Variants in CEP350 observed in about 807,000 individuals in gnomAD.
CEP350 encodes centrosomal protein 350.
In CEP350, 126 loss-of-function variants were observed where a neutral mutation model predicts 331.8. The ratio of observed to expected loss-of-function variants is 0.38; its 90% confidence interval spans 0.33 to 0.44. The LOEUF is 0.44. Among genes scored for constraint, CEP350 ranks in the 20% least tolerant of loss-of-function variants. The pLI, the probability that CEP350 is intolerant of heterozygous loss-of-function variation, is 1.00. For missense variants in CEP350, 3,406 were observed against 3,634.6 expected (o/e 0.94, Z 1.62); for synonymous variants, 1,200 against 1,259.5 (o/e 0.95, Z 1.00).
chr1:180,063,001 A>T (rs189798800), intron 26 of CEP350, among the ~76,000 whole-genome samples: 6 of 152,230 alleles, frequency 3.9e-5, no homozygotes, highest in Admixed American at 3.3e-4. Flanking sequence ...TTAATTTAGA[A>T]TATTTTTCAC....
rs1490672184 is a variant in CEP350, at chr1:180,034,003, A to G, written c.3867A>G (p.Gly1289=). 1.2e-6 allele frequency: 2 copies of G among 1,613,764 alleles called. No individual in the cohort carries two copies. Among genetic ancestry groups the G allele is most frequent in the African/African-American group, 2.7e-5 (2 of 74,906 alleles). ...CAGTAATGCCTCCAACTATAACAGG[A>G]TTTAAGCCTAATGCACCTCTCACTG... ...KSSVMPPTIT[G]FKPNAPLTDL... Residue 1289 remains glycine (G), a synonymous_variant, in exon 16 of 38, where the codon GGA becomes GGG. Coordinates refer to ENST00000367607, the MANE Select transcript of CEP350 (RefSeq NM_014810.5).
intron 27 of CEP350, among the ~76,000 whole-genome samples, chr1:180,066,603 TAA>T (rs1210869656): frequency 2.0e-5 from 3 of 152,142 alleles, no homozygotes; most frequent in African/African-American, 4.8e-5. Context: ...ATTATGAAAA[TAA>T]GTCTTGAAAA....
chr1:179,976,469 C>CT (rs1333532822), intron 1 of CEP350, among the ~76,000 whole-genome samples: 5 of 152,102 alleles, frequency 3.3e-5, no homozygotes, highest in Non-Finnish European at 5.9e-5. Flanking sequence ...TTTCTTAACA[C>CT]TTTTTTTGTA....
chr1:180,083,638 T>C (rs1322154567), intron 30 of CEP350, among the ~76,000 whole-genome samples: 1 of 152,230 alleles, frequency 6.6e-6, no homozygotes, highest in East Asian at 1.9e-4. Context: ...GACAGTTAAA[T>C]ATGATTATCT....
At chr1:180,032,024 C>CTT (rs139888709) in intron 15 of CEP350, among the ~76,000 whole-genome samples, 12,797 of 152,200 alleles carry the variant, frequency 0.084, 700 homozygotes, top group Non-Finnish European at 0.12. Context: ...TTCTGCTGAA[C>CTT]TTACTAGACC....
In CEP350 at chr1:180,006,655, C is replaced by T. The variant is rs189946048; in HGVS notation, c.1246+88C>T. The T allele has an allele frequency of 4.2e-6, 3 of 722,300 alleles. No individual in the cohort carries two copies. The African/African-American group carries it at 5.3e-5, about 13-fold the overall frequency. The allele number at this position is 722,300 out of a possible 1,614,324, so 44.7% of individuals were successfully genotyped here. On this transcript the variant is annotated intron_variant, in intron 8 of 37. Coordinates refer to ENST00000367607, the MANE Select transcript of CEP350 (RefSeq NM_014810.5). Reference sequence around the variant, plus strand: ...TAAGTTTTGGGATACATGTGCAGAACGTGCAGGTTTGATACACAGGGTATA... The same window carrying T: ...TAAGTTTTGGGATACATGTGCAGAATGTGCAGGTTTGATACACAGGGTATA...
At chr1:180,054,234 A>G (rs1350769642) in intron 24 of CEP350, among the ~76,000 whole-genome samples, 181 bp from the exon 25 acceptor site, 2 of 152,212 alleles carry the variant, frequency 1.3e-5, no homozygotes, top group Non-Finnish European at 2.9e-5. Context: ...TAGGGCTTGC[A>G]TATACCTCAG....
In CEP350 at chr1:180,014,283, G is replaced by A. The variant is rs1008295963; in HGVS notation, c.1830G>A (p.Lys610=). The A allele has an allele frequency of 6.2e-7, 1 of 1,600,500 alleles. No individual in the cohort carries two copies. Among genetic ancestry groups the A allele is most frequent in the Non-Finnish European group, 8.5e-7 (1 of 1,173,274 alleles). The change falls in exon 10 of 38, where the codon AAG becomes AAA. Residue 610 remains lysine (K), a synonymous_variant. Coordinates refer to ENST00000367607, the MANE Select transcript of CEP350 (RefSeq NM_014810.5). ...GGCAGCAGGAGGAAAGGAAGAGAAAGCAAAATGAAGAGAAGAAGGCTCAAA... is the reference window on the plus strand; with the variant it reads ...GGCAGCAGGAGGAAAGGAAGAGAAAACAAAATGAAGAGAAGAAGGCTCAAA... ...IVRQQEERKR[K]QNEEKKAQKE...
chr1:179,968,020 G>A (rs1571785868), intron 1 of CEP350, among the ~76,000 whole-genome samples: 1 of 152,194 alleles, frequency 6.6e-6, no homozygotes. Flanking sequence ...TATATACTGT[G>A]CGTGAACTAG....
At chr1:180,024,764 A>G (rs909096210) in intron 14 of CEP350, among the ~76,000 whole-genome samples, 182 bp downstream of exon 14, 42 of 152,158 alleles carry the variant, frequency 2.8e-4, no homozygotes, top group Non-Finnish European at 5.0e-4. Context: ...TCTTTTCCTT[A>G]ATACAAAAGG....
At chr1:180,074,482 A>G (rs1173748518) in intron 27 of CEP350, among the ~76,000 whole-genome samples, 1 of 152,244 alleles carries the variant, frequency 6.6e-6, no homozygotes, top group Non-Finnish European at 1.5e-5. Flanking sequence ...TAGGTAATGA[A>G]GAAACAAAAC....
At chr1:180,043,289 A>G (rs939686671) in intron 20 of CEP350, 97 bp downstream of exon 20, 1 of 1,394,822 alleles carries the variant, frequency 7.2e-7, no homozygotes, top group Non-Finnish European at 9.5e-7. Flanking sequence ...TATAGGCATT[A>G]TTCTTGGTTG....
rs5779042 is a variant in CEP350 at position 180,018,857 on chromosome 1, C to CTT, written c.2175-1076_2175-1075dup. On this transcript the variant is annotated intron_variant, in intron 11 of 37. Transcript: ENST00000367607. ...CCTCATGTTCGTCTTCTCTTTCTTT[C>CTT]TTTTTTTTTTTTTTTTTCTGAGACA... is the stretch of plus-strand genomic sequence containing the variant. 2.8e-5 allele frequency among the ~76,000 whole-genome samples: 4 copies of CTT among 142,098 alleles called. 1 individual carries two copies. The highest frequency in any genetic ancestry group is 1.4e-4 in the Admixed American group (2 of 14,368). 93.2% of individuals were successfully genotyped at this position (142,098 alleles called of 152,430 possible). A position where few individuals can be genotyped will look rare whatever the true frequency, so the allele number is the denominator to read the frequency against.
intron 37 of CEP350, among the ~76,000 whole-genome samples, chr1:180,106,060 C>T (rs922155158): frequency 1.3e-5 from 2 of 152,146 alleles, no homozygotes; most frequent in African/African-American, 4.8e-5. Flanking sequence ...AGAATTTGAG[C>T]TATTTTTAGC....
intron 37 of CEP350, among the ~76,000 whole-genome samples, chr1:180,106,259 G>A (rs992862153): frequency 6.1e-4 from 93 of 152,184 alleles, no homozygotes; most frequent in African/African-American, 2.2e-3. Context: ...GGGAACTGAT[G>A]AGAAGGACAC....
intron 16 of CEP350, among the ~76,000 whole-genome samples, chr1:180,035,479 A>G (rs536842992): frequency 4.6e-5 from 7 of 152,322 alleles, no homozygotes; most frequent in Admixed American, 4.6e-4. Flanking sequence ...AGGGGTTAAT[A>G]CAGCTGATGA....
chr1:179,983,268 T>C (rs908367991), intron 1 of CEP350, among the ~76,000 whole-genome samples: 2 of 152,082 alleles, frequency 1.3e-5, no homozygotes, highest in African/African-American at 4.8e-5. Flanking sequence ...GGAGTCTCGC[T>C]CTCTTGCTCA....
At chr1:180,054,354 CATT>C (rs1657688777) in intron 24 of CEP350, 58 bp from the exon 25 acceptor site, 1 of 1,334,976 alleles carries the variant, frequency 7.5e-7, no homozygotes, top group South Asian at 1.3e-5. Context: ...GAATTCTTGA[CATT>C]ATTCAGGTAA....
intron 1 of CEP350, among the ~76,000 whole-genome samples, chr1:179,985,874 A>G (rs544122795): frequency 3.3e-4 from 51 of 152,296 alleles, no homozygotes; most frequent in African/African-American, 1.1e-3. Flanking sequence ...ACCATATCAT[A>G]TATCTAGAAG....
Sources: gnomAD v4.1 joint callset for allele counts (sites outside exome capture counted in the v4.1 genomes callset) on GRCh38, gnomAD v4.1.1 for gene constraint, MANE v1.5 for transcripts, NCBI Gene and HGNC (gene_info 2026-07-23, HGNC 2026-07-21) for gene names.